LHFPL7: variants seen among roughly 807,000 people sequenced by gnomAD.
LHFPL7 encodes LHFPL tetraspan subfamily member 7.
At chr22:24,946,220 G>A in the LHFPL7 span, among the ~76,000 whole-genome samples, 1 of 152,118 alleles carries the variant, frequency 6.6e-6, no homozygotes, top group African/African-American at 2.4e-5. Flanking sequence ...TGAGGCAAGA[G>A]AATCACTTGA....
At chr22:24,935,602 A>T in the LHFPL7 span, 1 of 1,607,244 alleles carries the variant, frequency 6.2e-7, no homozygotes, top group African/African-American at 1.3e-5. Flanking sequence ...GTAGCTGGAG[A>T]TAGCAGGAAG....
At chr22:24,937,647 G>A in the LHFPL7 span, among the ~76,000 whole-genome samples, 2 of 152,208 alleles carry the variant, frequency 1.3e-5, no homozygotes, top group Non-Finnish European at 2.9e-5. Context: ...AAGAGATGGT[G>A]GAGCATTAAT....
chr22:24,943,047 A>T, the LHFPL7 span, among the ~76,000 whole-genome samples: 1 of 151,606 alleles, frequency 6.6e-6, no homozygotes, highest in African/African-American at 2.4e-5. Flanking sequence ...CAGCAAGTGG[A>T]ATATCCTCCC....
chr22:24,940,669 C>CCTTCCTTCCTT, the LHFPL7 span, among the ~76,000 whole-genome samples: 2 of 125,652 alleles, frequency 1.6e-5, no homozygotes, highest in East Asian at 2.6e-4. Flanking sequence ...TTCCTTCCTT[C>CCTTCCTTCCTT]CTTCCCTCCT....
chr22:24,935,206 C>G, the LHFPL7 span: 5 of 1,280,316 alleles, frequency 3.9e-6, no homozygotes, highest in East Asian at 1.2e-4. Flanking sequence ...AAAAACTGTT[C>G]CAGAGAGGTA....
the LHFPL7 span, chr22:24,935,325 G>A: frequency 6.2e-7 from 1 of 1,610,124 alleles, no homozygotes; most frequent in East Asian, 2.2e-5. Context: ...GCTACTCCCA[G>A]GAGATTTTTA....
chr22:24,935,123 C>G, the LHFPL7 span: 1 of 605,880 alleles, frequency 1.7e-6, no homozygotes, highest in South Asian at 2.1e-5. Flanking sequence ...TTTATTTACA[C>G]AGAGCATCTC....
At chr22:24,943,994 T>C in the LHFPL7 span, among the ~76,000 whole-genome samples, 1 of 152,188 alleles carries the variant, frequency 6.6e-6, no homozygotes, top group Non-Finnish European at 1.5e-5. Flanking sequence ...CAATGTGATC[T>C]CTTAACCCCC....
At chr22:24,935,307 C>T in the LHFPL7 span, 1 of 1,599,602 alleles carries the variant, frequency 6.3e-7, no homozygotes. Context: ...CTGGAGTGTG[C>T]CCTTTGTGCT....
At chr22:24,946,391 ACACATGAGCG>A in the LHFPL7 span, among the ~76,000 whole-genome samples, 1 of 152,008 alleles carries the variant, frequency 6.6e-6, no homozygotes, top group Non-Finnish European at 1.5e-5. Context: ...GCAAGCATGC[ACACATGAGCG>A]CACATGCACC....
the LHFPL7 span, among the ~76,000 whole-genome samples, chr22:24,941,628 A>T: frequency 7.7e-6 from 1 of 130,466 alleles, no homozygotes; most frequent in Non-Finnish European, 1.6e-5. Flanking sequence ...TTGGCATGAT[A>T]CTGCTTTTCC....
At chr22:24,944,232 GGAGAGA>G in the LHFPL7 span, among the ~76,000 whole-genome samples, 2 of 152,024 alleles carry the variant, frequency 1.3e-5, no homozygotes, top group Admixed American at 6.6e-5. Context: ...GACTCTGGAG[GGAGAGA>G]GAGAGACAGG....
the LHFPL7 span, among the ~76,000 whole-genome samples, chr22:24,941,527 G>A: frequency 2.0e-5 from 3 of 151,806 alleles, no homozygotes; most frequent in African/African-American, 7.3e-5. Flanking sequence ...ATAAATTTTG[G>A]GTGGACACAA....
At chr22:24,945,729 A>G in the LHFPL7 span, among the ~76,000 whole-genome samples, 4 of 152,224 alleles carry the variant, frequency 2.6e-5, no homozygotes, top group African/African-American at 4.8e-5. Context: ...GGGGACAAGC[A>G]CAGAGGAAGG....
chr22:24,939,945 T>TTTTTG, the LHFPL7 span, among the ~76,000 whole-genome samples: 1 of 89,792 alleles, frequency 1.1e-5, no homozygotes, highest in Non-Finnish European at 2.3e-5. Flanking sequence ...TTTTTTTTTT[T>TTTTTG]GAGACAGATT....
chr22:24,938,344 G>A, the LHFPL7 span: 59 of 1,612,642 alleles, frequency 3.7e-5, no homozygotes, highest in Middle Eastern at 1.8e-4. Context: ...GCCAGCCTCC[G>A]AGGAGCATCA....
the LHFPL7 span, among the ~76,000 whole-genome samples, chr22:24,941,417 G>T: frequency 2.0e-5 from 3 of 151,796 alleles, no homozygotes. Flanking sequence ...CTTACTTTTG[G>T]ACTGAAACAC....
chr22:24,946,179 G>A, the LHFPL7 span, among the ~76,000 whole-genome samples: 159 of 152,176 alleles, frequency 1.0e-3, no homozygotes, highest in Non-Finnish European at 1.9e-3. Context: ...GCATGGTGGC[G>A]GGTGCCTGTA....
chr22:24,945,394 C>T, the LHFPL7 span, among the ~76,000 whole-genome samples: 751 of 152,048 alleles, frequency 4.9e-3, 6 homozygotes, highest in African/African-American at 0.017. Context: ...TGTGGATGGA[C>T]GTGGAGGTGG....
Sources: allele counts gnomAD v4.1 joint callset (sites outside exome capture counted in the v4.1 genomes callset), GRCh38; gene constraint gnomAD v4.1.1; transcripts MANE v1.5; gene names NCBI Gene and HGNC (gene_info 2026-07-23, HGNC 2026-07-21).